MTHFD2L: variants seen among roughly 807,000 people sequenced by gnomAD.
The protein encoded by MTHFD2L is methylenetetrahydrofolate dehydrogenase (NADP+ dependent) 2 like.
MTHFD2L carries 29 observed loss-of-function variants against 34.9 expected under a neutral mutation model. The observed-to-expected ratio is 0.83, with a 90% CI of 0.62 to 1.13. The LOEUF (loss-of-function observed/expected upper bound fraction) is 1.13. MTHFD2L is among the 50% of genes most tolerant of loss of function. MTHFD2L has a pLI of 0.00. For synonymous variants in MTHFD2L, 167 were observed against 155.7 expected (o/e 1.07, Z -0.54); for missense variants, 481 against 446.5 (o/e 1.08, Z -0.70).
At chr4:74,162,255 C>T (rs922386461) in intron 1 of MTHFD2L, 1 of 152,154 alleles carries the variant, frequency 6.6e-6, no homozygotes, top group Non-Finnish European at 1.5e-5. Context: ...TCTAACTTAC[C>T]TAACCATCTT....
intron 6 of MTHFD2L, among the ~76,000 whole-genome samples, chr4:74,278,930 A>T (rs956938547): frequency 6.6e-6 from 1 of 152,092 alleles, no homozygotes; most frequent in African/African-American, 2.4e-5. Context: ...TAGACCTTAC[A>T]AATGCATTGG....
intron 6 of MTHFD2L, among the ~76,000 whole-genome samples, chr4:74,257,990 G>A (rs1388179612): frequency 1.3e-5 from 2 of 151,894 alleles, no homozygotes; most frequent in Admixed American, 6.6e-5. Flanking sequence ...GAAAAAGCTC[G>A]ACATCAGTAA....
chr4:74,115,505 C>A (rs1721641956), intron 2 of MTHFD2L, among the ~76,000 whole-genome samples: 2 of 152,258 alleles, frequency 1.3e-5, no homozygotes, highest in African/African-American at 4.8e-5. Flanking sequence ...AATGAGCACA[C>A]TAGCTCAGAA....
At chr4:74,163,696 A>G (rs1725960717) in intron 1 of MTHFD2L, among the ~76,000 whole-genome samples, 2 of 152,118 alleles carry the variant, frequency 1.3e-5, no homozygotes, top group African/African-American at 4.8e-5. Flanking sequence ...TATACTGGTG[A>G]TTGGTTTTAT....
upstream of MTHFD2L, among the ~76,000 whole-genome samples, chr4:74,122,254 A>G (rs2109777112): frequency 1.3e-5 from 2 of 152,322 alleles, 1 homozygote; most frequent in South Asian, 4.1e-4. Flanking sequence ...ATTGACTCAC[A>G]ATTCTGCAGG....
chr4:74,260,506 G>GCTAT (rs1278206462), intron 6 of MTHFD2L, among the ~76,000 whole-genome samples: 8 of 151,944 alleles, frequency 5.3e-5, no homozygotes. Context: ...CAGTACAAAA[G>GCTAT]CTATTAAGGC....
At chr4:74,144,814 T>C (rs1723491426) in intron 1 of MTHFD2L, among the ~76,000 whole-genome samples, 1 of 152,212 alleles carries the variant, frequency 6.6e-6, no homozygotes, top group Non-Finnish European at 1.5e-5. Flanking sequence ...ATTTCTGTCA[T>C]GTGAATCTGC....
At chr4:74,247,847 A>G (rs369097067) in intron 6 of MTHFD2L, among the ~76,000 whole-genome samples, 3 of 152,126 alleles carry the variant, frequency 2.0e-5, no homozygotes, top group South Asian at 2.1e-4. Context: ...ATCATGGTGG[A>G]TAAGCTTTTT....
chr4:74,254,239 T>A lies in MTHFD2L; in HGVS notation c.806-27186T>A, dbSNP rs73824435. Among the ~76,000 whole-genome samples the A allele has an allele frequency of 8.4e-3, 1,277 of 152,044 alleles. 11 individuals are homozygous for A. Among genetic ancestry groups the A allele is most frequent in the African/African-American group, 0.028 (1,166 of 41,458 alleles). ...TTAAACATAAATATTGGCTGAAAAA[T>A]TTTCAAATCTGCAGAGGGAAATGGG... On this transcript the variant is annotated intron_variant, in intron 6 of 7. Coordinates refer to ENST00000325278, the MANE Select transcript of MTHFD2L (RefSeq NM_001144978.3).
chr4:74,191,581 T>C (rs566966), intron 3 of MTHFD2L, among the ~76,000 whole-genome samples: 150,709 of 152,110 alleles, frequency 0.99, 74,676 homozygotes, highest in Middle Eastern at 1. Context: ...GATGGAGTCT[T>C]GCACTGTTGC....
chr4:74,186,028 A>G (rs926127088), intron 3 of MTHFD2L, among the ~76,000 whole-genome samples: 18 of 152,006 alleles, frequency 1.2e-4, no homozygotes, highest in African/African-American at 3.4e-4. Flanking sequence ...AAAACAATTC[A>G]TCATGACCAA....
At chr4:74,257,639 G>C (rs1035545588) in intron 6 of MTHFD2L, among the ~76,000 whole-genome samples, 2 of 152,126 alleles carry the variant, frequency 1.3e-5, no homozygotes, top group Admixed American at 6.5e-5. Context: ...TAACAGAACT[G>C]AATGGAGAAA....
upstream of MTHFD2L, among the ~76,000 whole-genome samples, chr4:74,119,161 C>G (rs535861340): frequency 6.6e-6 from 1 of 152,240 alleles, no homozygotes; most frequent in African/African-American, 2.4e-5. Flanking sequence ...TTCAACTGTA[C>G]AGCTGCATCT....
intron 1 of MTHFD2L, among the ~76,000 whole-genome samples, chr4:74,133,706 T>C (rs1359277896): frequency 6.6e-6 from 1 of 152,198 alleles, no homozygotes; most frequent in Non-Finnish European, 1.5e-5. Flanking sequence ...CTCTGATAAG[T>C]ATCTGAATTG....
At chr4:74,224,234 A>G (rs1010767788) in intron 5 of MTHFD2L, 1 of 152,076 alleles carries the variant, frequency 6.6e-6, no homozygotes, top group Non-Finnish European at 1.5e-5. Context: ...CCCAATTAGG[A>G]AAGCTATATT....
chr4:74,148,209 A>G (rs1314626322), intron 1 of MTHFD2L, among the ~76,000 whole-genome samples: 1 of 152,046 alleles, frequency 6.6e-6, no homozygotes, highest in Non-Finnish European at 1.5e-5. Flanking sequence ...TTTGGTCTGT[A>G]AGTCAGCTTC....
intron 1 of MTHFD2L, among the ~76,000 whole-genome samples, chr4:74,139,533 G>C (rs1281216515): frequency 6.6e-6 from 1 of 152,170 alleles, no homozygotes; most frequent in African/African-American, 2.4e-5. Context: ...GGAAAAGCTG[G>C]TAGTCCACCT....
In MTHFD2L at chr4:74,261,411, A is replaced by G. The variant is rs76195148; in HGVS notation, c.806-20014A>G. 9.7e-4 allele frequency among the ~76,000 whole-genome samples: 148 copies of G among 152,216 alleles called. No individual in the cohort carries two copies. In the East Asian group the frequency reaches 0.01, roughly 10 times the overall value. On this transcript the variant is annotated intron_variant, in intron 6 of 7. Coordinates refer to ENST00000325278, the MANE Select transcript of MTHFD2L (RefSeq NM_001144978.3). The stretch of plus-strand genomic sequence containing the variant: ...ATAAAACTATAAAATTCATTGGAAT[A>G]AAACTAAACAGAAACAAGAATATAG...
At chr4:74,188,975 A>G (rs1195081127) in intron 3 of MTHFD2L, among the ~76,000 whole-genome samples, 2 of 152,030 alleles carry the variant, frequency 1.3e-5, no homozygotes, top group East Asian at 1.9e-4. Flanking sequence ...TAAAGGACTC[A>G]AAAGAATGAC....
Sources: gnomAD v4.1 joint callset for allele counts (sites outside exome capture counted in the v4.1 genomes callset) on GRCh38, gnomAD v4.1.1 for gene constraint, MANE v1.5 for transcripts, NCBI Gene and HGNC (gene_info 2026-07-23, HGNC 2026-07-21) for gene names.